Variants in GDF11 observed in about 807,000 individuals in gnomAD.
The protein encoded by GDF11 is growth/differentiation factor 11.
GDF11 carries 12 observed loss-of-function variants against 34.4 expected under a neutral mutation model. The ratio of observed to expected loss-of-function variants is 0.35; its 90% confidence interval spans 0.22 to 0.57. The LOEUF is 0.57. Among genes scored for constraint, GDF11 ranks in the 20% least tolerant of loss-of-function variants. The pLI, the probability that GDF11 is intolerant of heterozygous loss-of-function variation, is 0.86. For missense variants in GDF11, 346 were observed against 548.2 expected (o/e 0.63, Z 3.68); for synonymous variants, 212 against 231.1 (o/e 0.92, Z 0.75).
rs546019835 is a variant in GDF11 at position 55,755,496 on chromosome 12, C to G, written c.*5614C>G. 8 of 152,318 alleles carry G rather than the reference C, an allele frequency of 5.3e-5. No individual in the cohort carries two copies. The highest frequency in any genetic ancestry group is 2.6e-4 in the Admixed American group (4 of 15,300). 9.4% of individuals were successfully genotyped at this position (152,318 alleles called of 1,614,324 possible). A position where few individuals can be genotyped will look rare whatever the true frequency, so the allele number is the denominator to read the frequency against. On this transcript the variant is annotated 3_prime_UTR_variant, in exon 3 of 3. Coordinates refer to ENST00000257868, the MANE Select transcript of GDF11 (RefSeq NM_005811.5). ...ATGTCACAGCTTCAGGAATTGGAAT[C>G]AGTTAACCACATCTGGATGCTGGAT... is the stretch of plus-strand genomic sequence containing the variant.
chr12:55,743,653 A>G lies in GDF11; in HGVS notation c.337A>G (p.Ile113Val). The G allele has an allele frequency of 1.2e-6, 2 of 1,604,316 alleles. No homozygotes were observed. Among genetic ancestry groups the G allele is most frequent in the Non-Finnish European group, 1.7e-6 (2 of 1,179,704 alleles). ...LLPKAPPLQQ[I>V]LDLHDFQGDA... is the part of the protein sequence containing the mutation. The stretch of plus-strand genomic sequence containing the variant: ...GCCCAAGGCGCCGCCGCTGCAGCAG[A>G]TCCTGGACCTACACGACTTCCAGGG... Residue 113 changes from isoleucine to valine, a missense_variant, in exon 1 of 3, where the codon ATC becomes GTC. Ile to Val is a conservative substitution (Grantham distance 29, BLOSUM62 3). This residue lies in a region of GDF11 where 141 missense variants were observed against 213.8 expected (regional missense o/e 0.66). Coordinates refer to ENST00000257868, the MANE Select transcript of GDF11 (RefSeq NM_005811.5).
rs1159069829 is a variant in GDF11, at chr12:55,751,914, G to A, written c.*2032G>A. On this transcript the variant is annotated 3_prime_UTR_variant, in exon 3 of 3. Transcript: ENST00000257868. ...TCCCCCTTGGCCAGTTGGTGGAAGG[G>A]GCAAAGGTATGTGACCACCCTTGAG... is the stretch of plus-strand genomic sequence containing the variant. 1 of 152,222 alleles carries A rather than the reference G, an allele frequency of 6.6e-6. No individual in the cohort carries two copies. The highest frequency in any genetic ancestry group is 1.5e-5 in the Non-Finnish European group (1 of 68,046). 9.4% of individuals were successfully genotyped at this position (152,222 alleles called of 1,614,324 possible). A position where few individuals can be genotyped will look rare whatever the true frequency, so the allele number is the denominator to read the frequency against.
chr12:55,745,695 T>C (rs1426311169), intron 1 of GDF11, among the ~76,000 whole-genome samples: 1 of 151,650 alleles, frequency 6.6e-6, no homozygotes, highest in Admixed American at 6.6e-5. Context: ...GGGGAGGTGT[T>C]TGTCAGCAGA....
Position 55,750,054 on chromosome 12 carries a change from G to A in GDF11, c.*172G>A. 2 of 630,104 alleles carry A rather than the reference G, an allele frequency of 3.2e-6. No individual in the cohort carries two copies. The highest frequency in any genetic ancestry group is 4.2e-5 in the South Asian group (2 of 47,412). 39.0% of individuals were successfully genotyped at this position (630,104 alleles called of 1,614,324 possible). A position where few individuals can be genotyped will look rare whatever the true frequency, so the allele number is the denominator to read the frequency against. ...GAGGCAGGTGGGAATTGAGGGTGAGGGGTTTGGGGGAAAGGGGAAGCAGGG... is the reference window on the plus strand; with the variant it reads ...GAGGCAGGTGGGAATTGAGGGTGAGAGGTTTGGGGGAAAGGGGAAGCAGGG... On this transcript the variant is annotated 3_prime_UTR_variant, in exon 3 of 3. Transcript: ENST00000257868.
Position 55,749,374 on chromosome 12 carries a change from T to G in GDF11, c.844-128T>G, listed in dbSNP as rs996042995. 59 of 983,928 alleles carry G rather than the reference T, an allele frequency of 6.0e-5. No individual in the cohort carries two copies. The African/African-American group carries it at 9.3e-4, about 15-fold the overall frequency. The allele number at this position is 983,928 out of a possible 1,614,324, so 60.9% of individuals were successfully genotyped here. On this transcript the variant is annotated intron_variant, in intron 2 of 2. Coordinates refer to ENST00000257868, the MANE Select transcript of GDF11 (RefSeq NM_005811.5). This position sits in a 1 kb window ranked among gnomAD's most constrained non-coding sequence, Gnocchi z 5.6. The stretch of plus-strand genomic sequence containing the variant: ...GTGGGCAAAAGATAAATTCTGGGGG[T>G]GGGAGCAATGGAAAAGCTGAGAAGT...
intron 1 of GDF11, among the ~76,000 whole-genome samples, 167 bp downstream of exon 1, chr12:55,743,928 T>G (rs908924256): frequency 1.3e-5 from 2 of 151,894 alleles, no homozygotes; most frequent in Non-Finnish European, 2.9e-5. Flanking sequence ...TTCCGAGCGG[T>G]GGAGATGGGC....
At chr12:55,745,433 G>A (rs1017748916) in intron 1 of GDF11, among the ~76,000 whole-genome samples, 11 of 151,908 alleles carry the variant, frequency 7.2e-5, no homozygotes, top group African/African-American at 2.7e-4. Context: ...GGCCTGGGTC[G>A]GTGGGAAGGG....
chr12:55,745,530 G>A (rs1242240858), intron 1 of GDF11, among the ~76,000 whole-genome samples: 1 of 145,706 alleles, frequency 6.9e-6, no homozygotes, highest in Non-Finnish European at 1.5e-5. Flanking sequence ...CTCCGGCCAG[G>A]TATTGTACGT....
Position 55,743,633 on chromosome 12 carries a change from A to T in GDF11, c.317A>T (p.Lys106Met). 6.2e-7 allele frequency: 1 copy of T among 1,604,760 alleles called. No homozygotes were observed. Among genetic ancestry groups the T allele is most frequent in the Non-Finnish European group, 8.5e-7 (1 of 1,179,734 alleles). The change falls in exon 1 of 3, where the codon AAG (lysine) becomes ATG (methionine). Residue 106 changes from lysine to methionine, a missense_variant. Coordinates refer to ENST00000257868, the MANE Select transcript of GDF11 (RefSeq NM_005811.5). Reference sequence around the variant, plus strand: ...GAGGTGGTGAAGCAGCTGCTGCCCAAGGCGCCGCCGCTGCAGCAGATCCTG... The same window carrying T: ...GAGGTGGTGAAGCAGCTGCTGCCCATGGCGCCGCCGCTGCAGCAGATCCTG... ...SREVVKQLLP[K>M]APPLQQILDL...
rs980203952 is a variant in GDF11 at position 55,750,091 on chromosome 12, G to A, written c.*209G>A. On this transcript the variant is annotated 3_prime_UTR_variant, in exon 3 of 3. Coordinates refer to ENST00000257868, the MANE Select transcript of GDF11 (RefSeq NM_005811.5). ...AAGGGGAAGCAGGGGCATAGTCAGG[G>A]TGGGGAGTGTTTGAAGTTTGCAGAT... 1.9e-5 allele frequency: 11 copies of A among 569,058 alleles called. No homozygotes were observed. The African/African-American group carries it at 2.1e-4, about 11-fold the overall frequency. The allele number at this position is 569,058 out of a possible 1,614,324, so 35.3% of individuals were successfully genotyped here.
At position 55,749,604 on chromosome 12, in the gene GDF11, T is replaced by C; in HGVS notation, c.946T>C (p.Tyr316His). The change falls in exon 3 of 3, where the codon TAT becomes CAT. Residue 316 changes from tyrosine (Y) to histidine (H), a missense_variant. Tyr to His is a moderately conservative substitution (Grantham distance 83). Coordinates refer to ENST00000257868, the MANE Select transcript of GDF11 (RefSeq NM_005811.5). The surrounding 1 kb of genome is among the most constrained non-coding windows in gnomAD (Gnocchi z 5.6). ...EHSSESRCCR[Y>H]PLTVDFEAFG... ...CTCAAGCGAGTCCCGCTGCTGCCGATATCCCCTCACAGTGGACTTTGAGGC... is the reference window on the plus strand; with the variant it reads ...CTCAAGCGAGTCCCGCTGCTGCCGACATCCCCTCACAGTGGACTTTGAGGC... 6.2e-7 allele frequency: 1 copy of C among 1,614,178 alleles called. No individual in the cohort carries two copies. The highest frequency in any genetic ancestry group is 8.5e-7 in the Non-Finnish European group (1 of 1,180,040).
intron 1 of GDF11, among the ~76,000 whole-genome samples, chr12:55,747,206 TAC>T: frequency 6.6e-6 from 1 of 152,098 alleles, no homozygotes; most frequent in East Asian, 1.9e-4. Context: ...CCCCAAACCC[TAC>T]TCCATTGCAC....
Position 55,754,430 on chromosome 12 carries a change from T to C in GDF11, c.*4548T>C, listed in dbSNP as rs1479321860. On this transcript the variant is annotated 3_prime_UTR_variant, in exon 3 of 3. Coordinates refer to ENST00000257868, the MANE Select transcript of GDF11 (RefSeq NM_005811.5). ...AGCAGGCAGTGGCATCTACAGCTTC[T>C]GGTCTGTAGTGGCGTAGAAGCAGGA... The C allele has an allele frequency of 1.3e-5, 2 of 152,218 alleles. No homozygotes were observed. The highest frequency in any genetic ancestry group is 2.9e-5 in the Non-Finnish European group (2 of 68,048). The allele number at this position is 152,218 out of a possible 1,614,324, so 9.4% of individuals were successfully genotyped here.
Position 55,749,910 on chromosome 12 carries a change from C to G in GDF11, c.*28C>G. The G allele has an allele frequency of 1.3e-6, 2 of 1,578,792 alleles. No homozygotes were observed. Among genetic ancestry groups the G allele is most frequent in the Non-Finnish European group, 1.7e-6 (2 of 1,158,538 alleles). ...TGGGGGATAGAGGATGCCTCCCCCA[C>G]AGACCCTACCCCAAGACCCCTAGCC... is the stretch of plus-strand genomic sequence containing the variant. On this transcript the variant is annotated 3_prime_UTR_variant, in exon 3 of 3. Coordinates refer to ENST00000257868, the MANE Select transcript of GDF11 (RefSeq NM_005811.5). This position sits in a 1 kb window ranked among gnomAD's most constrained non-coding sequence, Gnocchi z 5.6.
rs759498492 is a variant in GDF11 at position 55,743,662 on chromosome 12, C to T, written c.346C>T (p.Leu116=). 2.5e-6 allele frequency: 4 copies of T among 1,604,198 alleles called. No individual in the cohort carries two copies. Among genetic ancestry groups the T allele is most frequent in the African/African-American group, 1.3e-5 (1 of 74,908 alleles). Residue 116 remains leucine (L), a synonymous_variant, in exon 1 of 3, where the codon CTA becomes TTA. Transcript: ENST00000257868. ...GCCGCCGCTGCAGCAGATCCTGGACCTACACGACTTCCAGGGCGACGCGCT... is the reference window on the plus strand; with the variant it reads ...GCCGCCGCTGCAGCAGATCCTGGACTTACACGACTTCCAGGGCGACGCGCT... ...KAPPLQQILD[L]HDFQGDALQP...
At position 55,750,899 on chromosome 12, in the gene GDF11, AAG is replaced by A. The variant is rs887577746; in HGVS notation, c.*1025_*1026del. 1 of 152,208 alleles carries A rather than the reference AAG, an allele frequency of 6.6e-6. No homozygotes were observed. The highest frequency in any genetic ancestry group is 1.5e-5 in the Non-Finnish European group (1 of 68,076). 9.4% of individuals were successfully genotyped at this position (152,208 alleles called of 1,614,324 possible). A position where few individuals can be genotyped will look rare whatever the true frequency, so the allele number is the denominator to read the frequency against. Reference sequence around the variant, plus strand: ...TGCTTATGCCCAAATTCCCTCAGCCAAGAGAGAGACCAAAGAGCCTCTGGAAT... The same window carrying A: ...TGCTTATGCCCAAATTCCCTCAGCCAAGAGAGACCAAAGAGCCTCTGGAAT... On this transcript the variant is annotated 3_prime_UTR_variant, in exon 3 of 3. Transcript: ENST00000257868.
rs1392313787 is a variant in GDF11, at chr12:55,755,506, C to T, written c.*5624C>T. Reference sequence around the variant, plus strand: ...TTCAGGAATTGGAATCAGTTAACCACATCTGGATGCTGGATCAACTATAGT... The same window carrying T: ...TTCAGGAATTGGAATCAGTTAACCATATCTGGATGCTGGATCAACTATAGT... On this transcript the variant is annotated 3_prime_UTR_variant, in exon 3 of 3. Transcript: ENST00000257868. The T allele has an allele frequency of 6.6e-6, 1 of 152,184 alleles. No homozygotes were observed. Among genetic ancestry groups the T allele is most frequent in the Non-Finnish European group, 1.5e-5 (1 of 68,030 alleles). 9.4% of individuals were successfully genotyped at this position (152,184 alleles called of 1,614,324 possible).
At chr12:55,744,827 C>T (rs1878146741) in intron 1 of GDF11, among the ~76,000 whole-genome samples, 1 of 151,932 alleles carries the variant, frequency 6.6e-6, no homozygotes, top group South Asian at 2.1e-4. Context: ...GAACAGAAGA[C>T]GGGGGAGACT....
rs1380385315 is a variant in GDF11, at chr12:55,743,398, CCCGCGGCGGCGG to C, written c.84_95del (p.Ala38_Ala41del). Reference sequence around the variant, plus strand: ...GCCCCGGGGGGAGGCGGCCGAGGGCCCCGCGGCGGCGGCGGCGGCGGCGGCGGCGGCGGCAGC... The same window carrying C: ...GCCCCGGGGGGAGGCGGCCGAGGGCCCGGCGGCGGCGGCGGCGGCGGCAGC... On this transcript the variant is annotated inframe_deletion, in exon 1 of 3. Transcript: ENST00000257868. The C allele has an allele frequency of 5.8e-5, 58 of 991,970 alleles. 1 individual carries two copies. Among genetic ancestry groups the C allele is most frequent in the Non-Finnish European group, 6.9e-5 (58 of 836,872 alleles). 61.4% of individuals were successfully genotyped at this position (991,970 alleles called of 1,614,324 possible). A position where few individuals can be genotyped will look rare whatever the true frequency, so the allele number is the denominator to read the frequency against.
Sources: gnomAD v4.1 joint callset for allele counts (sites outside exome capture counted in the v4.1 genomes callset) on GRCh38, gnomAD v4.1.1 for gene constraint, gnomAD v4.1.1 regional missense constraint, Gnocchi (gnomAD v3.1) non-coding constraint, MANE v1.5 for transcripts, NCBI Gene and HGNC (gene_info 2026-07-23, HGNC 2026-07-21) for gene names.